The following MBNL2 variants were observed in gnomAD, a reference collection of about 807,000 sequenced individuals.
The protein encoded by MBNL2 is muscleblind-like protein 2.
In MBNL2, 17 loss-of-function variants were observed where a neutral mutation model predicts 41.9. The observed-to-expected ratio is 0.41, with a 90% CI of 0.28 to 0.61. MBNL2 has a LOEUF of 0.61. Among genes scored for constraint, MBNL2 ranks in the 20% least tolerant of loss-of-function variants. MBNL2 has a pLI of 0.35. For missense variants in MBNL2, 336 were observed against 505.6 expected, an observed-to-expected ratio of 0.66 and a Z score of 3.22; for synonymous variants, 195 against 182.9, an observed-to-expected ratio of 1.07 and a Z score of -0.53.
Position 97,346,293 on chromosome 13 carries a change from A to C in MBNL2, c.541-511A>C, listed in dbSNP as rs753359611. On this transcript the variant is annotated intron_variant, in intron 4 of 8. Coordinates refer to ENST00000679496, the MANE Select transcript of MBNL2 (RefSeq NM_001382683.1). This position sits in a 1 kb window ranked among gnomAD's most constrained non-coding sequence, Gnocchi z 4.2. ...GATGGATAGATGGATGGGTGGATGG[A>C]TAGATAGATGGATAATAGATAATAG... Among the ~76,000 whole-genome samples the C allele has an allele frequency of 9.9e-5, 15 of 152,110 alleles. No homozygotes were observed. Among genetic ancestry groups the C allele is most frequent in the Non-Finnish European group, 1.9e-4 (13 of 68,006 alleles).
chr13:97,283,945 T>A (rs1248828263), intron 2 of MBNL2, among the ~76,000 whole-genome samples: 1 of 152,184 alleles, frequency 6.6e-6, no homozygotes, highest in Non-Finnish European at 1.5e-5. Context: ...AATGTCTCAC[T>A]TAGGGATGGC....
chr13:97,357,666 C>T, intron 7 of MBNL2, 31 bp downstream of exon 7: 1 of 1,607,262 alleles, frequency 6.2e-7, no homozygotes. Flanking sequence ...ACGTCCTGTG[C>T]CCTTCTGGTC....
At chr13:97,148,202 A>G in the MBNL2 span, among the ~76,000 whole-genome samples, 1 of 152,246 alleles carries the variant, frequency 6.6e-6, no homozygotes, top group Non-Finnish European at 1.5e-5. Context: ...GAAATTTCAA[A>G]AAATAGAGGC....
the MBNL2 span, among the ~76,000 whole-genome samples, chr13:97,204,840 G>A: frequency 6.6e-6 from 1 of 152,116 alleles, no homozygotes; most frequent in African/African-American, 2.4e-5. Flanking sequence ...GCATTGTTTT[G>A]AGATGGGCAA....
the MBNL2 span, among the ~76,000 whole-genome samples, chr13:97,145,823 A>C: frequency 6.6e-6 from 1 of 152,136 alleles, no homozygotes; most frequent in Non-Finnish European, 1.5e-5. Context: ...TGGTTCCCTC[A>C]GGGGCTGCTC....
intron 1 of MBNL2, among the ~76,000 whole-genome samples, chr13:97,258,857 G>A (rs753764878): frequency 2.6e-5 from 4 of 152,208 alleles, no homozygotes; most frequent in Non-Finnish European, 5.9e-5. Flanking sequence ...ACTGCCTCAA[G>A]GGCTCAGGCC....
At chr13:97,389,528 C>T (rs2066223115) in intron 8 of MBNL2, among the ~76,000 whole-genome samples, 1 of 151,918 alleles carries the variant, frequency 6.6e-6, no homozygotes, top group Non-Finnish European at 1.5e-5. Flanking sequence ...CACAGGAAGA[C>T]CCCATCTCTA....
At position 97,367,136 on chromosome 13, in the gene MBNL2, G is replaced by A. The variant is rs1010313026; in HGVS notation, c.1048+1965G>A. Among the ~76,000 whole-genome samples, 6 of 152,188 alleles carry A rather than the reference G, an allele frequency of 3.9e-5. No homozygotes were observed. In the South Asian group the frequency reaches 1.0e-3, roughly 26 times the overall value. On this transcript the variant is annotated intron_variant, in intron 8 of 8. Transcript: ENST00000679496. ...TCCGGAATGAAGAGTCATGGGTGCC[G>A]CTGAACTCACAAAGGCTGGATATAA...
chr13:97,356,893 A>AT, intron 6 of MBNL2, 44 bp downstream of exon 6: 1 of 1,247,358 alleles, frequency 8.0e-7, no homozygotes, highest in Non-Finnish European at 1.1e-6. Context: ...AGCTTTTCAG[A>AT]GAACCATCTG....
At chr13:97,251,728 A>G (rs1225056398) in intron 1 of MBNL2, among the ~76,000 whole-genome samples, 1 of 151,784 alleles carries the variant, frequency 6.6e-6, no homozygotes, top group Non-Finnish European at 1.5e-5. Flanking sequence ...AGTTGAGTTT[A>G]TAAATAAATT....
the MBNL2 span, among the ~76,000 whole-genome samples, chr13:97,180,740 T>TAAAAAAA: frequency 1.2e-5 from 1 of 86,006 alleles, no homozygotes; most frequent in Non-Finnish European, 2.3e-5. Context: ...AGACTCCATC[T>TAAAAAAA]AAAAAAAAAA....
At chr13:97,205,646 A>G in the MBNL2 span, among the ~76,000 whole-genome samples, 3 of 152,218 alleles carry the variant, frequency 2.0e-5, no homozygotes, top group African/African-American at 4.8e-5. Flanking sequence ...TCTCATTTGA[A>G]ATACAATCTG....
Position 97,283,620 on chromosome 13 carries a change from G to T in MBNL2, c.174+7211G>T, listed in dbSNP as rs116171853. ...ACTCACAGACTATTTCAAACAATCT[G>T]CAGGGTTTCATGTTTGCTTCTAAAA... On this transcript the variant is annotated intron_variant, in intron 2 of 8. Transcript: ENST00000679496. Among the ~76,000 whole-genome samples the T allele has an allele frequency of 3.3e-3, 504 of 152,206 alleles. 4 individuals are homozygous for T. Among genetic ancestry groups the T allele is most frequent in the African/African-American group, 0.012 (484 of 41,514 alleles).
intron 1 of MBNL2, among the ~76,000 whole-genome samples, chr13:97,231,303 A>G (rs982862056): frequency 3.9e-5 from 6 of 152,234 alleles, no homozygotes; most frequent in African/African-American, 1.4e-4. Context: ...CTCATTAAAA[A>G]TGTAGACTCT....
intron 2 of MBNL2, among the ~76,000 whole-genome samples, chr13:97,277,012 CATATCAGCAAGTATCT>C (rs912279433): frequency 2.4e-4 from 36 of 152,152 alleles, no homozygotes; most frequent in Admixed American, 1.3e-3. Context: ...GACAATTCAG[CATATCAGCAAGTATCT>C]ACAATGCAAG....
chr13:97,231,788 C>G (rs558384637), intron 1 of MBNL2, among the ~76,000 whole-genome samples: 35 of 152,014 alleles, frequency 2.3e-4, no homozygotes, highest in Non-Finnish European at 4.7e-4. Flanking sequence ...GTTTATCTGT[C>G]TGCTCCAGAG....
chr13:97,261,307 C>T (rs1052628850), intron 1 of MBNL2, among the ~76,000 whole-genome samples: 1 of 152,098 alleles, frequency 6.6e-6, no homozygotes, highest in Non-Finnish European at 1.5e-5. Context: ...CACATGCACA[C>T]ACATCAAGAA....
intron 1 of MBNL2, among the ~76,000 whole-genome samples, chr13:97,236,252 T>G (rs1190267544): frequency 7.9e-5 from 12 of 152,156 alleles, no homozygotes; most frequent in Non-Finnish European, 4.4e-5. Context: ...TCCCCCTGCT[T>G]TGAAGTGACA....
chr13:97,237,489 G>A (rs1213396322), intron 1 of MBNL2, among the ~76,000 whole-genome samples: 1 of 152,224 alleles, frequency 6.6e-6, no homozygotes, highest in South Asian at 2.1e-4. Flanking sequence ...GGTAAGATGT[G>A]TAAATAAATC....
Sources: gnomAD v4.1 joint callset for allele counts (sites outside exome capture counted in the v4.1 genomes callset) on GRCh38, gnomAD v4.1.1 for gene constraint, Gnocchi (gnomAD v3.1) non-coding constraint, MANE v1.5 for transcripts, NCBI Gene and HGNC (gene_info 2026-07-23, HGNC 2026-07-21) for gene names.